OPCML: variants seen among roughly 807,000 people sequenced by gnomAD.
OPCML encodes opioid binding protein/cell adhesion molecule like.
Under a neutral mutation model 37.8 loss-of-function variants are expected in OPCML, and 13 were observed. That is an observed-to-expected ratio of 0.34 (90% confidence interval 0.22 to 0.55). The LOEUF (loss-of-function observed/expected upper bound fraction) is 0.55, where lower values mean the gene tolerates loss of function less well. Among genes scored for constraint, OPCML ranks in the 20% least tolerant of loss-of-function variants. The pLI is 0.91. For missense variants in OPCML, 341 were observed against 435.6 expected (o/e 0.78, Z 1.93); for synonymous variants, 176 against 168.8 (o/e 1.04, Z -0.33).
At chr11:133,382,381 C>A (rs1043767937) in intron 1 of OPCML, among the ~76,000 whole-genome samples, 1 of 152,204 alleles carries the variant, frequency 6.6e-6, no homozygotes. Flanking sequence ...TGACCTCATT[C>A]GTGAGCGATT....
intron 1 of OPCML, among the ~76,000 whole-genome samples, chr11:133,500,971 G>A (rs1477163689): frequency 6.6e-5 from 10 of 151,982 alleles, no homozygotes; most frequent in African/African-American, 2.2e-4. Flanking sequence ...GAGGGCAGAT[G>A]GGGGCGTGGG....
intron 1 of OPCML, among the ~76,000 whole-genome samples, chr11:133,140,612 AGAAGAG>A (rs926202402): frequency 1.7e-4 from 25 of 148,784 alleles, no homozygotes; most frequent in African/African-American, 2.7e-4. Context: ...AAGAAAGAGA[AGAAGAG>A]GAAGAGGAAG....
intron 2 of OPCML, among the ~76,000 whole-genome samples, chr11:132,871,184 C>T (rs374085427): frequency 2.0e-5 from 3 of 150,640 alleles, no homozygotes; most frequent in Middle Eastern, 3.2e-3. Context: ...TACATGTTCA[C>T]TCGTTAATTA....
chr11:133,397,205 G>T (rs1186025206), intron 1 of OPCML, among the ~76,000 whole-genome samples: 3 of 152,128 alleles, frequency 2.0e-5, no homozygotes, highest in African/African-American at 7.2e-5. Flanking sequence ...TTCCCCAGTT[G>T]GGCTGGATCT....
chr11:133,178,750 G>T (rs1565488424), intron 1 of OPCML, among the ~76,000 whole-genome samples: 1 of 152,116 alleles, frequency 6.6e-6, no homozygotes, highest in East Asian at 1.9e-4. Context: ...AGCCGAGGTA[G>T]GTGCTTCCAT....
At chr11:132,897,585 C>A (rs778368562) in intron 2 of OPCML, among the ~76,000 whole-genome samples, 1 of 152,164 alleles carries the variant, frequency 6.6e-6, no homozygotes, top group Non-Finnish European at 1.5e-5. Context: ...AGAGAAAAAT[C>A]GGGCTTTGTG....
At chr11:133,220,404 T>C (rs1015912256) in intron 1 of OPCML, among the ~76,000 whole-genome samples, 1 of 152,202 alleles carries the variant, frequency 6.6e-6, no homozygotes, top group Non-Finnish European at 1.5e-5. Flanking sequence ...GCCAAGGTTC[T>C]GCTATTCCAC....
intron 1 of OPCML, among the ~76,000 whole-genome samples, chr11:133,195,772 C>A (rs1247001991): frequency 2.0e-5 from 3 of 152,162 alleles, no homozygotes; most frequent in African/African-American, 4.8e-5. Context: ...ACTAGGGACA[C>A]ATTTGTCTTC....
chr11:133,477,954 T>A (rs1035039556), intron 1 of OPCML, among the ~76,000 whole-genome samples: 1 of 152,220 alleles, frequency 6.6e-6, no homozygotes, highest in South Asian at 2.1e-4. Flanking sequence ...TATATTAGAT[T>A]TTAATTAAGT....
chr11:133,033,640 G>A (rs1947713651), intron 1 of OPCML, among the ~76,000 whole-genome samples: 1 of 152,208 alleles, frequency 6.6e-6, no homozygotes. Context: ...GGTGTGCTCA[G>A]CACTGCATTA....
intron 1 of OPCML, among the ~76,000 whole-genome samples, chr11:133,200,584 T>C (rs1451036478): frequency 6.6e-6 from 1 of 152,188 alleles, no homozygotes; most frequent in Non-Finnish European, 1.5e-5. Flanking sequence ...CCTATAGATA[T>C]AGATATATAC....
intron 1 of OPCML, among the ~76,000 whole-genome samples, chr11:132,992,241 G>A (rs1173790521): frequency 6.6e-6 from 1 of 151,888 alleles, no homozygotes; most frequent in African/African-American, 2.4e-5. Flanking sequence ...AACTGCTTCT[G>A]TACCTCTTTC....
At chr11:132,893,727 C>T (rs1215774000) in intron 2 of OPCML, among the ~76,000 whole-genome samples, 1 of 152,208 alleles carries the variant, frequency 6.6e-6, no homozygotes, top group East Asian at 1.9e-4. Flanking sequence ...TGGCACCTTG[C>T]TTTGCAATAT....
chr11:133,198,845 A>T (rs1938644390), intron 1 of OPCML, among the ~76,000 whole-genome samples: 1 of 152,190 alleles, frequency 6.6e-6, no homozygotes. Flanking sequence ...TGTATTCTGG[A>T]TTGGGTGCAT....
intron 2 of OPCML, among the ~76,000 whole-genome samples, chr11:132,867,281 T>C (rs973850659): frequency 6.6e-6 from 1 of 152,148 alleles, no homozygotes; most frequent in African/African-American, 2.4e-5. Flanking sequence ...AGAACTCAAT[T>C]CATTAAAATG....
chr11:133,112,349 A>C (rs1245758668), intron 1 of OPCML, among the ~76,000 whole-genome samples: 1 of 150,764 alleles, frequency 6.6e-6, no homozygotes, highest in African/African-American at 2.4e-5. Flanking sequence ...CTTGGAAAAC[A>C]CGGTTGAATG....
intron 4 of OPCML, among the ~76,000 whole-genome samples, chr11:132,482,632 G>A (rs2096184998): frequency 6.6e-6 from 1 of 152,168 alleles, no homozygotes; most frequent in Non-Finnish European, 1.5e-5. Flanking sequence ...GAGAATTTTA[G>A]ACCAATATCC....
At chr11:132,775,712 T>A (rs1365754431) in intron 2 of OPCML, among the ~76,000 whole-genome samples, 1 of 152,182 alleles carries the variant, frequency 6.6e-6, no homozygotes, top group Non-Finnish European at 1.5e-5. Context: ...GCCCTGGGCA[T>A]CCTGCAGAGG....
intron 1 of OPCML, among the ~76,000 whole-genome samples, chr11:133,076,011 A>G (rs986038182): frequency 6.6e-6 from 1 of 152,146 alleles, no homozygotes; most frequent in Non-Finnish European, 1.5e-5. Context: ...TCCCTCTCCC[A>G]TGTACATTGG....
Sources: allele counts gnomAD v4.1 joint callset (sites outside exome capture counted in the v4.1 genomes callset), GRCh38; gene constraint gnomAD v4.1.1; transcripts MANE v1.5; gene names NCBI Gene and HGNC (gene_info 2026-07-23, HGNC 2026-07-21).